The following ZBTB20 variants were observed in gnomAD, a reference collection of about 807,000 sequenced individuals.
The protein encoded by ZBTB20 is zinc finger and BTB domain-containing protein 20.
A neutral mutation model predicts 56.9 loss-of-function variants in ZBTB20; 9 were observed. The ratio of observed to expected loss-of-function variants is 0.16; its 90% confidence interval spans 0.10 to 0.28. The LOEUF (loss-of-function observed/expected upper bound fraction) is 0.28. ZBTB20 is among the 10% of genes least tolerant of loss of function. The pLI is 1.00. For synonymous variants in ZBTB20, 417 were observed against 420.7 expected, an observed-to-expected ratio of 0.99 and a Z score of 0.11; for missense variants, 655 against 1,003.0, an observed-to-expected ratio of 0.65 and a Z score of 4.69.
In ZBTB20 at chr3:114,466,599, G is replaced by C. The variant is rs115583744; in HGVS notation, c.-255+33753C>G. On this transcript the variant is annotated intron_variant, in intron 7 of 11. Coordinates refer to ENST00000675478, the MANE Select transcript of ZBTB20 (RefSeq NM_001348800.3). Reference sequence around the variant, plus strand: ...ATTCCTCACATTTGTACAAGAGAACGTCCCAAAGCAAGATACTATGGCCTG... The same window carrying C: ...ATTCCTCACATTTGTACAAGAGAACCTCCCAAAGCAAGATACTATGGCCTG... 3.3e-5 allele frequency among the ~76,000 whole-genome samples: 5 copies of C among 152,278 alleles called. No homozygotes were observed. The East Asian group carries it at 9.6e-4, about 29-fold the overall frequency.
Position 114,495,452 on chromosome 3 carries a change from TACAC to T in ZBTB20, c.-255+4896_-255+4899del, listed in dbSNP as rs35156549. On this transcript the variant is annotated intron_variant, in intron 7 of 11. Coordinates refer to ENST00000675478, the MANE Select transcript of ZBTB20 (RefSeq NM_001348800.3). Reference sequence around the variant, plus strand: ...GTGTGTATCAGTGCAAGTCTGTGTATACACACACACACACACACACACACAGTCT... The same window carrying T: ...GTGTGTATCAGTGCAAGTCTGTGTATACACACACACACACACACACAGTCT... Among the ~76,000 whole-genome samples, 1,006 of 149,096 alleles carry T rather than the reference TACAC, an allele frequency of 6.7e-3. 8 individuals are homozygous for T. The highest frequency in any genetic ancestry group is 0.019 in the African/African-American group (789 of 40,756).
chr3:114,406,728 T>G (rs1188271252), intron 7 of ZBTB20, among the ~76,000 whole-genome samples: 3 of 152,162 alleles, frequency 2.0e-5, no homozygotes, highest in Non-Finnish European at 2.9e-5. Context: ...TAGACAGGTT[T>G]GTAGAGTCAC....
chr3:114,929,751 G>T (rs1157096576), intron 3 of ZBTB20, among the ~76,000 whole-genome samples: 1 of 152,176 alleles, frequency 6.6e-6, no homozygotes, highest in African/African-American at 2.4e-5. Context: ...GGAATTGGGT[G>T]TCACTGGTCT....
intron 1 of ZBTB20, among the ~76,000 whole-genome samples, chr3:115,098,530 C>T (rs1332762235): frequency 1.3e-5 from 2 of 152,066 alleles, no homozygotes; most frequent in Admixed American, 6.6e-5. Context: ...AAATCTCCGA[C>T]GGGACCTGAT....
At chr3:115,116,956 G>C (rs1157343844) in intron 1 of ZBTB20, among the ~76,000 whole-genome samples, 1 of 152,058 alleles carries the variant, frequency 6.6e-6, no homozygotes, top group Non-Finnish European at 1.5e-5. Flanking sequence ...TATACATAGG[G>C]TGACACCATA....
chr3:114,694,275 G>A (rs1415790836), intron 5 of ZBTB20, among the ~76,000 whole-genome samples: 1 of 152,016 alleles, frequency 6.6e-6, no homozygotes, highest in East Asian at 1.9e-4. Context: ...AGCTTCTACT[G>A]TGGAGCAACA....
intron 6 of ZBTB20, among the ~76,000 whole-genome samples, chr3:114,660,636 G>A (rs1278628984): frequency 6.6e-6 from 1 of 152,116 alleles, no homozygotes; most frequent in Non-Finnish European, 1.5e-5. Context: ...CAAATGCCTA[G>A]TGACCTTCCA....
chr3:114,396,181 G>A (rs189573904), intron 7 of ZBTB20, among the ~76,000 whole-genome samples: 19 of 152,290 alleles, frequency 1.2e-4, no homozygotes, highest in Admixed American at 5.9e-4. Context: ...TCTAACATGA[G>A]CATGATTTAT....
At chr3:114,466,123 T>C (rs1234480466) in intron 7 of ZBTB20, among the ~76,000 whole-genome samples, 1 of 152,122 alleles carries the variant, frequency 6.6e-6, no homozygotes, top group Non-Finnish European at 1.5e-5. Flanking sequence ...TGCAGCTATG[T>C]AGATTTCAAG....
chr3:114,938,972 T>C (rs1222437791), intron 3 of ZBTB20, among the ~76,000 whole-genome samples: 1 of 145,108 alleles, frequency 6.9e-6, no homozygotes, highest in Non-Finnish European at 1.5e-5. Context: ...TAGAAGAATC[T>C]AGTATTGGGC....
At chr3:114,966,665 A>G (rs1469857744) in intron 3 of ZBTB20, among the ~76,000 whole-genome samples, 2 of 152,104 alleles carry the variant, frequency 1.3e-5, no homozygotes, top group Admixed American at 6.6e-5. Context: ...TGGTATGTCC[A>G]GTATAGGAAG....
chr3:114,691,226 T>G (rs1322786140), intron 6 of ZBTB20, among the ~76,000 whole-genome samples: 3 of 152,098 alleles, frequency 2.0e-5, no homozygotes, highest in Non-Finnish European at 4.4e-5. Context: ...TAATAAGAAC[T>G]ATTTATCTGA....
intron 3 of ZBTB20, among the ~76,000 whole-genome samples, chr3:114,974,064 A>T (rs1454123210): frequency 1.5e-5 from 2 of 134,202 alleles, no homozygotes; most frequent in African/African-American, 5.6e-5. Context: ...CAAACCAGTT[A>T]AAAAAAAAAA....
chr3:114,535,221 T>G (rs536499330), intron 6 of ZBTB20, among the ~76,000 whole-genome samples: 7 of 151,944 alleles, frequency 4.6e-5, no homozygotes, highest in African/African-American at 1.4e-4. Flanking sequence ...TTGAAAAGAT[T>G]AACAAAGCAG....
chr3:115,062,554 T>A (rs1024366495), intron 2 of ZBTB20, among the ~76,000 whole-genome samples: 1 of 152,096 alleles, frequency 6.6e-6, no homozygotes, highest in Non-Finnish European at 1.5e-5. Flanking sequence ...ACAAGACAAG[T>A]TCTGGGGTTT....
intron 4 of ZBTB20, among the ~76,000 whole-genome samples, chr3:114,856,133 T>C (rs554859321): frequency 3.9e-5 from 6 of 152,218 alleles, no homozygotes; most frequent in African/African-American, 1.4e-4. Flanking sequence ...AATGAGGGGG[T>C]TGATTACTAA....
At chr3:114,483,007 C>G (rs2041723556) in intron 7 of ZBTB20, among the ~76,000 whole-genome samples, 1 of 152,128 alleles carries the variant, frequency 6.6e-6, no homozygotes. Context: ...GGATTTATAG[C>G]AGTACTGGTC....
chr3:114,398,434 GC>G (rs1481317178), intron 7 of ZBTB20, among the ~76,000 whole-genome samples: 1 of 152,100 alleles, frequency 6.6e-6, no homozygotes, highest in Non-Finnish European at 1.5e-5. Flanking sequence ...GATGCTAACA[GC>G]CCAGGTGAAA....
intron 7 of ZBTB20, among the ~76,000 whole-genome samples, chr3:114,424,142 T>A (rs989678357): frequency 5.9e-5 from 9 of 152,220 alleles, no homozygotes; most frequent in African/African-American, 2.2e-4. Flanking sequence ...AATTGTCACA[T>A]AACAACCTTA....
Sources: allele counts gnomAD v4.1 joint callset (sites outside exome capture counted in the v4.1 genomes callset), GRCh38; gene constraint gnomAD v4.1.1; transcripts MANE v1.5; gene names NCBI Gene and HGNC (gene_info 2026-07-23, HGNC 2026-07-21).